The following ARPP19 variants were observed in gnomAD, a reference collection of about 807,000 sequenced individuals.
The protein encoded by ARPP19 is cAMP regulated phosphoprotein 19.
A neutral mutation model predicts 12.0 loss-of-function variants in ARPP19; 8 were observed. The observed-to-expected ratio is 0.67, with a 90% CI of 0.39 to 1.21. The LOEUF is 1.21. Ranked by LOEUF, ARPP19 falls within the 50% of genes most tolerant of loss-of-function variation. The pLI is 0.01. For missense variants in ARPP19, 102 were observed against 136.3 expected (o/e 0.75, Z 1.25); for synonymous variants, 47 against 50.4 (o/e 0.93, Z 0.29).
At position 52,551,515 on chromosome 15, in the gene ARPP19, TTC is replaced by T. The variant is rs1440274367; in HGVS notation, c.*417_*418del. ...TTTCTTCTAACTTGTGGTCTTAAAC[TTC>T]TGTTTTACAAAATCCAAAAGGTAAA... On this transcript the variant is annotated 3_prime_UTR_variant, in exon 3 of 3. Transcript: ENST00000249822. 16 of 153,810 alleles carry T rather than the reference TTC, an allele frequency of 1.0e-4. No homozygotes were observed. The highest frequency in any genetic ancestry group is 3.6e-4 in the African/African-American group (15 of 41,490). The allele number at this position is 153,810 out of a possible 1,614,324, so 9.5% of individuals were successfully genotyped here.
chr15:52,568,630 CA>C, intron 1 of ARPP19: 2 of 466,002 alleles, frequency 4.3e-6, no homozygotes, highest in Non-Finnish European at 7.5e-6. Context: ...GGAGGTGTTA[CA>C]AAAGGCACGA....
intron 1 of ARPP19, among the ~76,000 whole-genome samples, chr15:52,560,986 C>T (rs1242033441): frequency 1.3e-5 from 2 of 152,232 alleles, no homozygotes; most frequent in African/African-American, 2.4e-5. Flanking sequence ...CACCATCTTC[C>T]TCCCTTTTGT....
rs925867030 is a variant in ARPP19, at chr15:52,568,784, G to A, written c.45+64C>T. The A allele has an allele frequency of 3.1e-5, 40 of 1,272,106 alleles. No homozygotes were observed. The East Asian group carries it at 1.0e-3, about 33-fold the overall frequency. 78.8% of individuals were successfully genotyped at this position (1,272,106 alleles called of 1,614,324 possible). On this transcript the variant is annotated intron_variant, in intron 1 of 2. Transcript: ENST00000249822. ...CTCGGGCGCGGCCCTCCGCCTGGCGGGAGCAGGCCGCCCGCCAGACCCGGC... is the reference window on the plus strand; with the variant it reads ...CTCGGGCGCGGCCCTCCGCCTGGCGAGAGCAGGCCGCCCGCCAGACCCGGC...
In ARPP19 at chr15:52,549,817, T is replaced by A. The variant is rs1192403183; in HGVS notation, c.*2117A>T. The A allele has an allele frequency of 6.6e-6, 1 of 152,594 alleles. No individual in the cohort carries two copies. Among genetic ancestry groups the A allele is most frequent in the Non-Finnish European group, 1.5e-5 (1 of 68,034 alleles). The allele number at this position is 152,594 out of a possible 1,614,324, so 9.5% of individuals were successfully genotyped here. A position where few individuals can be genotyped will look rare whatever the true frequency, so the allele number is the denominator to read the frequency against. On this transcript the variant is annotated 3_prime_UTR_variant, in exon 3 of 3. Coordinates refer to ENST00000249822, the MANE Select transcript of ARPP19 (RefSeq NM_006628.6). ...AATTCTACTCTGGGTTATTTTAAACTTCTTAAATTGATTCTATAATGAGTA... is the reference window on the plus strand; with the variant it reads ...AATTCTACTCTGGGTTATTTTAAACATCTTAAATTGATTCTATAATGAGTA...
In ARPP19 at chr15:52,557,083, T is replaced by A; in HGVS notation, c.168+17A>T. The A allele has an allele frequency of 6.2e-7, 1 of 1,609,892 alleles. No homozygotes were observed. Among genetic ancestry groups the A allele is most frequent in the Non-Finnish European group, 8.5e-7 (1 of 1,179,272 alleles). ...TTGTAGGGCTTAAGTATTTGGAAAT[T>A]ACCCATGAGAACTTACCCCTTTCTG... On this transcript the variant is annotated intron_variant, in intron 2 of 2. Coordinates refer to ENST00000249822, the MANE Select transcript of ARPP19 (RefSeq NM_006628.6).
At chr15:52,566,406 G>A (rs1459491148) in intron 1 of ARPP19, among the ~76,000 whole-genome samples, 2 of 151,942 alleles carry the variant, frequency 1.3e-5, no homozygotes, top group Non-Finnish European at 2.9e-5. Context: ...TGATCCACTC[G>A]CCATGACCTC....
At chr15:52,567,324 G>A (rs2078092601) in intron 1 of ARPP19, among the ~76,000 whole-genome samples, 1 of 152,180 alleles carries the variant, frequency 6.6e-6, no homozygotes, top group Non-Finnish European at 1.5e-5. Context: ...AGATACATTA[G>A]GCTTTTCCAA....
chr15:52,564,106 A>G (rs2078059678), intron 1 of ARPP19: 1 of 977,220 alleles, frequency 1.0e-6, no homozygotes, highest in South Asian at 1.4e-5. Flanking sequence ...TTGCACAAAC[A>G]AAAGAAGCAA....
At chr15:52,556,299 C>T (rs1442931110) in intron 2 of ARPP19, among the ~76,000 whole-genome samples, 2 of 151,936 alleles carry the variant, frequency 1.3e-5, no homozygotes, top group African/African-American at 2.4e-5. Flanking sequence ...TTTCATCCTT[C>T]CCTGTATAGT....
chr15:52,567,924 T>A (rs950393424), intron 1 of ARPP19, among the ~76,000 whole-genome samples: 2 of 152,146 alleles, frequency 1.3e-5, no homozygotes, highest in Non-Finnish European at 2.9e-5. Context: ...TAAGAAAAAT[T>A]GTTGATAAAC....
chr15:52,560,536 T>C (rs1445376192), intron 1 of ARPP19, among the ~76,000 whole-genome samples: 2 of 152,152 alleles, frequency 1.3e-5, no homozygotes, highest in African/African-American at 4.8e-5. Context: ...AGAATTTCAG[T>C]TGGATTTAAC....
At chr15:52,558,060 GAAC>G (rs1412475232) in intron 1 of ARPP19, among the ~76,000 whole-genome samples, 22 of 152,066 alleles carry the variant, frequency 1.4e-4, no homozygotes, top group Admixed American at 1.3e-3. Context: ...TATTCACTTT[GAAC>G]AACAGTCTTG....
At chr15:52,563,632 C>CT (rs2140249570) in intron 1 of ARPP19, among the ~76,000 whole-genome samples, 1 of 152,314 alleles carries the variant, frequency 6.6e-6, no homozygotes, top group East Asian at 1.9e-4. Flanking sequence ...CTATTATACA[C>CT]TGAGCAGAAT....
chr15:52,569,001 C>A lies in ARPP19; in HGVS notation c.-109G>T. The A allele has an allele frequency of 2.6e-6, 2 of 783,894 alleles. No homozygotes were observed. Among genetic ancestry groups the A allele is most frequent in the South Asian group, 1.7e-5 (1 of 59,898 alleles). The allele number at this position is 783,894 out of a possible 1,614,324, so 48.6% of individuals were successfully genotyped here. A position where few individuals can be genotyped will look rare whatever the true frequency, so the allele number is the denominator to read the frequency against. ...CTCCCAGGGCCCGCCGGGCCGCCTC[C>A]GCCCGCGAAAATGGCCGCCGCCTTA... On this transcript the variant is annotated 5_prime_UTR_variant, in exon 1 of 3. Coordinates refer to ENST00000249822, the MANE Select transcript of ARPP19 (RefSeq NM_006628.6).
At chr15:52,561,265 ATTTG>A (rs1253348888) in intron 1 of ARPP19, among the ~76,000 whole-genome samples, 4 of 152,346 alleles carry the variant, frequency 2.6e-5, no homozygotes, top group South Asian at 2.1e-4. Context: ...ATAGTTATTT[ATTTG>A]TTTATTTTTT....
rs745825807 is a variant in ARPP19, at chr15:52,568,941, T to C, written c.-49A>G. On this transcript the variant is annotated 5_prime_UTR_variant, in exon 1 of 3. Coordinates refer to ENST00000249822, the MANE Select transcript of ARPP19 (RefSeq NM_006628.6). ...GCCGGGAAAAGATGCAATTAGCGGG[T>C]GGCCGAGGCCACCCGGCCGCCGCCC... The C allele has an allele frequency of 4.5e-6, 3 of 660,492 alleles. No homozygotes were observed. The highest frequency in any genetic ancestry group is 7.4e-6 in the Non-Finnish European group (3 of 403,788). 40.9% of individuals were successfully genotyped at this position (660,492 alleles called of 1,614,324 possible).
chr15:52,560,076 T>C (rs2078017977), intron 1 of ARPP19, among the ~76,000 whole-genome samples: 1 of 152,196 alleles, frequency 6.6e-6, no homozygotes, highest in South Asian at 2.1e-4. Flanking sequence ...AAATTGTATG[T>C]AGGTAGCAAC....
intron 1 of ARPP19, among the ~76,000 whole-genome samples, chr15:52,559,919 A>C (rs1210274462): frequency 6.6e-6 from 1 of 152,218 alleles, no homozygotes; most frequent in Non-Finnish European, 1.5e-5. Flanking sequence ...GCACCTTCAA[A>C]TTAAGGGTGT....
Position 52,550,951 on chromosome 15 carries a change from A to G in ARPP19, c.*983T>C, listed in dbSNP as rs980115128. Reference sequence around the variant, plus strand: ...AGGACAAAAGATATGCCTAAGCAACATATCGTATTTGCACAAGGCCACTGA... The same window carrying G: ...AGGACAAAAGATATGCCTAAGCAACGTATCGTATTTGCACAAGGCCACTGA... On this transcript the variant is annotated 3_prime_UTR_variant, in exon 3 of 3. Coordinates refer to ENST00000249822, the MANE Select transcript of ARPP19 (RefSeq NM_006628.6). 6.5e-6 allele frequency: 1 copy of G among 152,716 alleles called. No homozygotes were observed. Among genetic ancestry groups the G allele is most frequent in the Non-Finnish European group, 1.5e-5 (1 of 68,052 alleles). The allele number at this position is 152,716 out of a possible 1,614,324, so 9.5% of individuals were successfully genotyped here.
Sources: gnomAD v4.1 joint callset for allele counts (sites outside exome capture counted in the v4.1 genomes callset) on GRCh38, gnomAD v4.1.1 for gene constraint, MANE v1.5 for transcripts, NCBI Gene and HGNC (gene_info 2026-07-23, HGNC 2026-07-21) for gene names.